Variants in SBF2 observed in about 807,000 individuals in gnomAD.
The protein encoded by SBF2 is SET binding factor 2.
A neutral mutation model predicts 225.2 loss-of-function variants in SBF2; 112 were observed. The ratio of observed to expected loss-of-function variants is 0.50; its 90% CI spans 0.43 to 0.58. SBF2 has a LOEUF of 0.58. SBF2 is among the 20% of genes least tolerant of loss of function. SBF2 has a pLI of 0.00. For missense variants in SBF2, 1,996 were observed against 2,206.2 expected, an observed-to-expected ratio of 0.90 and a Z score of 1.91; for synonymous variants, 763 against 773.3, an observed-to-expected ratio of 0.99 and a Z score of 0.22.
chr11:9,828,440 CAG>C (rs1855192367), intron 28 of SBF2: 3 of 985,366 alleles, frequency 3.0e-6, no homozygotes, highest in Non-Finnish European at 3.6e-6. Flanking sequence ...CAAGTGCAAT[CAG>C]AGAATTTAAT....
intron 14 of SBF2, among the ~76,000 whole-genome samples, chr11:9,964,648 T>G (rs1194813807): frequency 6.6e-6 from 1 of 152,194 alleles, no homozygotes; most frequent in Non-Finnish European, 1.5e-5. Context: ...TACACTGGCT[T>G]AGGAAAGTCA....
At chr11:10,247,101 TCA>T (rs1959877003) in intron 1 of SBF2, among the ~76,000 whole-genome samples, 2 of 152,030 alleles carry the variant, frequency 1.3e-5, no homozygotes, top group South Asian at 4.1e-4. Context: ...AAGACAGAAA[TCA>T]CACCAATCTT....
At chr11:9,784,869 G>A (rs930213764) in intron 37 of SBF2, 12 of 545,192 alleles carry the variant, frequency 2.2e-5, no homozygotes, top group East Asian at 3.3e-5. Context: ...TCCCTCAAAC[G>A]TTCTGGCAGA....
intron 2 of SBF2, among the ~76,000 whole-genome samples, chr11:10,109,087 GAACATAA>G (rs1347170915): frequency 1.3e-5 from 2 of 151,840 alleles, no homozygotes; most frequent in Admixed American, 1.3e-4. Context: ...AAAATATGCT[GAACATAA>G]AAATTCCTGC....
chr11:10,088,935 T>C (rs1208201686), intron 2 of SBF2, among the ~76,000 whole-genome samples: 2 of 152,320 alleles, frequency 1.3e-5, no homozygotes, highest in Non-Finnish European at 2.9e-5. Flanking sequence ...ATAGTGGTTG[T>C]TCAATAAATT....
chr11:9,959,872 T>C (rs989752686), intron 16 of SBF2: 1 of 466,986 alleles, frequency 2.1e-6, no homozygotes, highest in Non-Finnish European at 4.2e-6. Context: ...GGGAGGCCAC[T>C]GTGCGCTCAG....
At chr11:9,864,208 C>T (rs1207097581) in intron 17 of SBF2, among the ~76,000 whole-genome samples, 1 of 152,122 alleles carries the variant, frequency 6.6e-6, no homozygotes, top group Non-Finnish European at 1.5e-5. Context: ...TGTTTTACTA[C>T]CTGATACTCA....
chr11:9,924,463 G>T (rs1017335369), intron 16 of SBF2, among the ~76,000 whole-genome samples: 2 of 151,888 alleles, frequency 1.3e-5, no homozygotes, highest in Non-Finnish European at 2.9e-5. Flanking sequence ...ACAGAGTCTC[G>T]CTCTGTTGCC....
At chr11:9,997,670 C>T (rs898236005) in intron 9 of SBF2, among the ~76,000 whole-genome samples, 15 of 152,064 alleles carry the variant, frequency 9.9e-5, no homozygotes, top group Non-Finnish European at 1.5e-4. Context: ...CCCAGCTACT[C>T]GGGAGGCTGA....
intron 1 of SBF2, among the ~76,000 whole-genome samples, chr11:10,261,680 T>C (rs1961444625): frequency 6.6e-6 from 1 of 152,194 alleles, no homozygotes; most frequent in Admixed American, 6.5e-5. Flanking sequence ...TATAAGAATA[T>C]TCATAGCAGT....
chr11:9,967,982 TATATATATAAA>T (rs1179524557), intron 14 of SBF2, among the ~76,000 whole-genome samples: 1 of 135,934 alleles, frequency 7.4e-6, no homozygotes, highest in African/African-American at 2.8e-5. Context: ...TATATATATA[TATATATATAAA>T]ATATATATAT....
chr11:9,909,627 G>A (rs1004168455), intron 16 of SBF2, among the ~76,000 whole-genome samples: 7 of 147,902 alleles, frequency 4.7e-5, no homozygotes, highest in Admixed American at 3.4e-4. Flanking sequence ...CCGAGATTGC[G>A]CCACTGCACT....
At chr11:10,138,369 A>G (rs1039577631) in intron 2 of SBF2, among the ~76,000 whole-genome samples, 9 of 152,088 alleles carry the variant, frequency 5.9e-5, no homozygotes, top group Non-Finnish European at 1.0e-4. Context: ...CATTTTGTCT[A>G]TTTGTTCTAG....
rs1269738427 is a variant in SBF2, at chr11:9,858,248, T to C, written c.2078A>G (p.His693Arg). The C allele has an allele frequency of 8.7e-6, 14 of 1,614,104 alleles. No individual in the cohort carries two copies. Among genetic ancestry groups the C allele is most frequent in the Non-Finnish European group, 1.1e-5 (13 of 1,180,032 alleles). Residue 693 changes from histidine to arginine, a missense_variant, in exon 18 of 40, where the codon CAT becomes CGT. By Grantham distance (29) the His-to-Arg change is conservative (BLOSUM62 0). Coordinates refer to ENST00000256190, the MANE Select transcript of SBF2 (RefSeq NM_030962.4). ...SLYLSAKEDN[H>R]APHLKQKDKL... Reference sequence around the variant, plus strand: ...TACCTTTTGCTTCAGATGCGGGGCATGATTGTCTTCCTTGGCTGAGAGATA... The same window carrying C: ...TACCTTTTGCTTCAGATGCGGGGCACGATTGTCTTCCTTGGCTGAGAGATA...
chr11:9,826,804 G>T (rs1051247527), intron 28 of SBF2, among the ~76,000 whole-genome samples: 2 of 151,376 alleles, frequency 1.3e-5, no homozygotes, highest in Non-Finnish European at 2.9e-5. Flanking sequence ...TATTTTTTGA[G>T]ATGGAGTTTT....
intron 16 of SBF2, among the ~76,000 whole-genome samples, chr11:9,923,491 C>T (rs1863789733): frequency 6.6e-6 from 1 of 152,202 alleles, no homozygotes; most frequent in Non-Finnish European, 1.5e-5. Context: ...TTCTTAGAAA[C>T]ATCACGGCCA....
chr11:9,921,983 T>A (rs1379425747), intron 16 of SBF2, among the ~76,000 whole-genome samples: 3 of 152,198 alleles, frequency 2.0e-5, no homozygotes, highest in Admixed American at 2.0e-4. Flanking sequence ...TGGTAGTTCA[T>A]GTCTGTAATC....
At chr11:10,081,979 T>C (rs765936067) in intron 2 of SBF2, among the ~76,000 whole-genome samples, 7 of 151,806 alleles carry the variant, frequency 4.6e-5, no homozygotes, top group Non-Finnish European at 8.8e-5. Context: ...ACAAAATTGA[T>C]AGAACACTTG....
chr11:10,227,342 T>A (rs1348591465), intron 1 of SBF2, among the ~76,000 whole-genome samples: 135 of 152,270 alleles, frequency 8.9e-4, no homozygotes, highest in Middle Eastern at 3.4e-3. Context: ...TCCATTTGTC[T>A]ATTTTGGCTT....
Sources: allele counts gnomAD v4.1 joint callset (sites outside exome capture counted in the v4.1 genomes callset), GRCh38; gene constraint gnomAD v4.1.1; transcripts MANE v1.5; gene names NCBI Gene and HGNC (gene_info 2026-07-23, HGNC 2026-07-21).